Variants in GALNTL6 observed in about 807,000 individuals in gnomAD.
GALNTL6 encodes the protein polypeptide N-acetylgalactosaminyltransferase like 6.
A neutral mutation model predicts 73.7 loss-of-function variants in GALNTL6; 46 were observed. That is an observed-to-expected ratio of 0.62 (90% CI 0.49 to 0.80). GALNTL6 has a LOEUF of 0.80. GALNTL6 is among the 30% of genes least tolerant of loss of function. GALNTL6 has a pLI of 0.00. For missense variants in GALNTL6, 604 were observed against 755.0 expected (o/e 0.80, Z 2.34); for synonymous variants, 259 against 263.7 (o/e 0.98, Z 0.17).
At chr4:172,898,068 T>G (rs955671270) in intron 8 of GALNTL6, among the ~76,000 whole-genome samples, 4 of 152,130 alleles carry the variant, frequency 2.6e-5, no homozygotes, top group African/African-American at 9.7e-5. Flanking sequence ...AGAAATCAAG[T>G]TATTGCAGCT....
At chr4:172,814,765 T>C (rs1051389763) in intron 7 of GALNTL6, among the ~76,000 whole-genome samples, 27 of 152,142 alleles carry the variant, frequency 1.8e-4, no homozygotes, top group African/African-American at 6.5e-4. Context: ...GGAAAATATT[T>C]CCTACACTTC....
intron 2 of GALNTL6, among the ~76,000 whole-genome samples, chr4:172,148,720 A>G (rs1233085962): frequency 6.6e-6 from 1 of 152,224 alleles, no homozygotes. Flanking sequence ...CTTAGCTGCC[A>G]GCTCGAAGTG....
chr4:172,248,818 T>A (rs747565476), intron 3 of GALNTL6, among the ~76,000 whole-genome samples: 3 of 152,162 alleles, frequency 2.0e-5, no homozygotes, highest in Non-Finnish European at 4.4e-5. Context: ...TGCCACTATG[T>A]GAAGAAGGAT....
intron 2 of GALNTL6, among the ~76,000 whole-genome samples, chr4:171,976,988 G>A (rs1739740841): frequency 6.6e-6 from 1 of 152,100 alleles, no homozygotes; most frequent in African/African-American, 2.4e-5. Flanking sequence ...TTCCAATAAT[G>A]TTCAAAACTG....
At chr4:171,864,053 C>G (rs571951352) in intron 2 of GALNTL6, among the ~76,000 whole-genome samples, 8 of 152,094 alleles carry the variant, frequency 5.3e-5, no homozygotes, top group Non-Finnish European at 1.5e-5. Flanking sequence ...TGAGCCATGG[C>G]ACCCAGAAGG....
chr4:171,831,397 T>C (rs1310260738), intron 2 of GALNTL6, among the ~76,000 whole-genome samples: 1 of 151,960 alleles, frequency 6.6e-6, no homozygotes, highest in African/African-American at 2.4e-5. Flanking sequence ...TTAAATAACA[T>C]TGTGTTTGGT....
intron 5 of GALNTL6, among the ~76,000 whole-genome samples, chr4:172,710,194 G>A (rs1258542143): frequency 6.6e-6 from 1 of 152,126 alleles, no homozygotes; most frequent in African/African-American, 2.4e-5. Context: ...TTGCTGGGGA[G>A]TGAAAATTAG....
intron 2 of GALNTL6, among the ~76,000 whole-genome samples, chr4:171,958,897 C>T (rs942996717): frequency 1.3e-5 from 2 of 151,988 alleles, no homozygotes; most frequent in African/African-American, 4.8e-5. Flanking sequence ...GTACACCATG[C>T]TTGTTAAATG....
rs1741164408 is a variant in GALNTL6 at position 172,809,465 on chromosome 4, G to T, written c.658G>T (p.Ala220Ser). ...EGLIRTRLLG[A>S]SMARGEVLTF... ...ACTCATCCGGACCCGTCTCCTGGGG[G>T]CATCTATGGCCAGAGGAGAAGTCCT... The change falls in exon 6 of 13, where the codon GCA becomes TCA. Residue 220 changes from alanine (A) to serine (S), a missense_variant. Ala to Ser is a moderately conservative substitution (Grantham distance 99, BLOSUM62 1). This residue lies in a region of GALNTL6 where 179 missense variants were observed against 230.8 expected (regional missense o/e 0.78). Transcript: ENST00000506823. The surrounding 1 kb of genome is among the most constrained non-coding windows in gnomAD (Gnocchi z 4.4). The T allele has an allele frequency of 3.1e-6, 5 of 1,613,826 alleles. No homozygotes were observed. Among genetic ancestry groups the T allele is most frequent in the Non-Finnish European group, 4.2e-6 (5 of 1,179,810 alleles).
chr4:172,773,058 C>A (rs1197136405), intron 5 of GALNTL6, among the ~76,000 whole-genome samples: 2 of 152,074 alleles, frequency 1.3e-5, no homozygotes, highest in African/African-American at 4.8e-5. Flanking sequence ...CAAAACTCTG[C>A]AAAGAAACAA....
chr4:172,747,227 A>G (rs1456826401), intron 5 of GALNTL6, among the ~76,000 whole-genome samples: 1 of 152,136 alleles, frequency 6.6e-6, no homozygotes, highest in African/African-American at 2.4e-5. Context: ...GTGAAGAGAC[A>G]ACCCATAGAT....
intron 5 of GALNTL6, among the ~76,000 whole-genome samples, chr4:172,662,849 AT>A (rs1303561155): frequency 2.6e-5 from 4 of 152,194 alleles, no homozygotes; most frequent in Non-Finnish European, 1.5e-5. Flanking sequence ...GACTGGAGAG[AT>A]TAGACAGGGG....
intron 2 of GALNTL6, among the ~76,000 whole-genome samples, chr4:172,048,490 T>C (rs1742280764): frequency 6.6e-6 from 1 of 152,164 alleles, no homozygotes; most frequent in African/African-American, 2.4e-5. Flanking sequence ...CACAGAAGGC[T>C]GTAATCATAG....
In GALNTL6 at chr4:172,354,247, G is replaced by T. The variant is rs141069143; in HGVS notation, c.553+5558G>T. On this transcript the variant is annotated intron_variant, in intron 5 of 12. Coordinates refer to ENST00000506823, the MANE Select transcript of GALNTL6 (RefSeq NM_001034845.3). ...TCTAAATAAATCTTGGAGTTATTTA[G>T]ATTTAATATTCGTATTTAAAATGGT... Among the ~76,000 whole-genome samples, 815 of 152,128 alleles carry T rather than the reference G, an allele frequency of 5.4e-3. 6 individuals carry two copies. The highest frequency in any genetic ancestry group is 0.018 in the African/African-American group (760 of 41,516).
Position 172,485,972 on chromosome 4 carries a change from A to G in GALNTL6, c.553+137283A>G, listed in dbSNP as rs1204288101. ...TAAACCATCTATGGATGGCTCAGCA[A>G]TGCTTCTTATATTCACCATTGACTA... On this transcript the variant is annotated intron_variant, in intron 5 of 12. Transcript: ENST00000506823. Among the ~76,000 whole-genome samples, 3 of 152,274 alleles carry G rather than the reference A, an allele frequency of 2.0e-5. No individual in the cohort carries two copies. The East Asian group carries it at 5.8e-4, about 29-fold the overall frequency.
intron 2 of GALNTL6, among the ~76,000 whole-genome samples, chr4:171,820,404 CAAATT>C (rs1463127441): frequency 9.2e-5 from 14 of 152,190 alleles, no homozygotes; most frequent in Non-Finnish European, 2.1e-4. Flanking sequence ...TTGGTACTCT[CAAATT>C]AAATGTATTC....
chr4:173,021,495 G>C lies in GALNTL6; in HGVS notation c.1508G>C (p.Arg503Thr). The change falls in exon 12 of 13, where the codon AGA becomes ACA. Residue 503 changes from arginine (R) to threonine (T), a missense_variant. Transcript: ENST00000506823. ...SHEQLFTFGWREDIRPGEPLH... is the reference protein window; with the variant it reads ...SHEQLFTFGWTEDIRPGEPLH... ...TGCTAGCTTTTTACCTTTGGATGGA[G>C]AGAAGATATTCGACCCGGTGAGCCA... 6.2e-7 allele frequency: 1 copy of C among 1,614,140 alleles called. No individual in the cohort carries two copies. Among genetic ancestry groups the C allele is most frequent in the East Asian group, 2.2e-5 (1 of 44,870 alleles).
chr4:171,954,235 A>G (rs1267357365), intron 2 of GALNTL6, among the ~76,000 whole-genome samples: 1 of 152,228 alleles, frequency 6.6e-6, no homozygotes, highest in Non-Finnish European at 1.5e-5. Flanking sequence ...ATGCCAATGA[A>G]GAGTTGTGAT....
chr4:172,465,293 C>T (rs187989053), intron 5 of GALNTL6, among the ~76,000 whole-genome samples: 5 of 152,002 alleles, frequency 3.3e-5, no homozygotes, highest in African/African-American at 7.2e-5. Context: ...CTGGCTAACA[C>T]GGTGAAACCC....
Sources: gnomAD v4.1 joint callset for allele counts (sites outside exome capture counted in the v4.1 genomes callset) on GRCh38, gnomAD v4.1.1 for gene constraint, gnomAD v4.1.1 regional missense constraint, Gnocchi (gnomAD v3.1) non-coding constraint, MANE v1.5 for transcripts, NCBI Gene and HGNC (gene_info 2026-07-23, HGNC 2026-07-21) for gene names.